The following GTF2F2 variants were observed in gnomAD, a reference collection of about 807,000 sequenced individuals.
The protein encoded by GTF2F2 is general transcription factor IIF subunit 2.
A neutral mutation model predicts 42.2 loss-of-function variants in GTF2F2; 23 were observed. The observed-to-expected ratio is 0.55, with a 90% CI of 0.39 to 0.77. GTF2F2 has a LOEUF of 0.77. Ranked by LOEUF, GTF2F2 falls within the 30% of genes least tolerant of loss-of-function variation. The pLI, the probability that GTF2F2 is intolerant of heterozygous loss-of-function variation, is 0.00. For synonymous variants in GTF2F2, 105 were observed against 100.8 expected (o/e 1.04, Z -0.25); for missense variants, 261 against 287.2 (o/e 0.91, Z 0.66).
intron 4 of GTF2F2, among the ~76,000 whole-genome samples, chr13:45,154,194 A>AG (rs1209234911): frequency 6.6e-6 from 1 of 152,008 alleles, no homozygotes; most frequent in African/African-American, 2.4e-5. Context: ...TTTTTTTTGT[A>AG]GAAAAAAGTA....
intron 5 of GTF2F2, among the ~76,000 whole-genome samples, chr13:45,221,565 TG>T (rs955014920): frequency 6.6e-6 from 1 of 152,134 alleles, no homozygotes; most frequent in Non-Finnish European, 1.5e-5. Context: ...CCCTTCCAAG[TG>T]GGGTCCCAGT....
chr13:45,257,462 A>G (rs1876150392), intron 6 of GTF2F2, among the ~76,000 whole-genome samples: 1 of 152,180 alleles, frequency 6.6e-6, no homozygotes, highest in African/African-American at 2.4e-5. Flanking sequence ...TGTTTAAAAA[A>G]CTTGTAGTTT....
chr13:45,232,752 C>T (rs906656348), intron 5 of GTF2F2, among the ~76,000 whole-genome samples: 2 of 152,206 alleles, frequency 1.3e-5, no homozygotes, highest in South Asian at 4.1e-4. Context: ...TCTACCCACC[C>T]ACCATAAGTT....
chr13:45,236,483 CCACACATACA>C (rs1389255364), intron 5 of GTF2F2, among the ~76,000 whole-genome samples: 8 of 127,722 alleles, frequency 6.3e-5, no homozygotes, highest in African/African-American at 2.2e-4. Flanking sequence ...TCACCCCCCG[CCACACATACA>C]CACACACACA....
Position 45,267,236 on chromosome 13 carries a change from G to A in GTF2F2, c.490G>A (p.Glu164Lys), listed in dbSNP as rs768761643. The A allele has an allele frequency of 3.7e-6, 6 of 1,610,748 alleles. No individual in the cohort carries two copies. Among genetic ancestry groups the A allele is most frequent in the Admixed American group, 1.7e-5 (1 of 59,884 alleles). Residue 164 changes from glutamate (E) to lysine (K), a missense_variant, in exon 7 of 8, where the codon GAA (glutamate) becomes AAA (lysine). Coordinates refer to ENST00000340473, the MANE Select transcript of GTF2F2 (RefSeq NM_004128.3). ...KPVANHQYNI[E>K]YERKKKEDGK... ...TTCCTTTGCTGTTTGCATATAGATCGAATATGAAAGGAAAAAGAAAGAAGA... is the reference window on the plus strand; with the variant it reads ...TTCCTTTGCTGTTTGCATATAGATCAAATATGAAAGGAAAAAGAAAGAAGA...
chr13:45,250,117 C>T (rs897481359), intron 5 of GTF2F2, among the ~76,000 whole-genome samples: 2 of 142,960 alleles, frequency 1.4e-5, no homozygotes, highest in Admixed American at 7.3e-5. Context: ...TGCAGTGACA[C>T]GATGTTGGCT....
At chr13:45,168,997 C>T in intron 4 of GTF2F2, among the ~76,000 whole-genome samples, 1 of 149,094 alleles carries the variant, frequency 6.7e-6, no homozygotes, top group Non-Finnish European at 1.5e-5. Flanking sequence ...CTCCTTCCCT[C>T]TTTCCCTCCT....
intron 5 of GTF2F2, among the ~76,000 whole-genome samples, chr13:45,229,114 C>G (rs1334098967): frequency 1.3e-5 from 2 of 152,168 alleles, no homozygotes; most frequent in African/African-American, 4.8e-5. Context: ...AACTCCTGAC[C>G]TCAGGTGATC....
intron 5 of GTF2F2, among the ~76,000 whole-genome samples, chr13:45,217,393 T>C (rs917627027): frequency 6.6e-6 from 1 of 151,776 alleles, no homozygotes; most frequent in Non-Finnish European, 1.5e-5. Flanking sequence ...AAACTCCAGC[T>C]ACACTTTTTA....
At chr13:45,261,347 AC>A (rs1482078579) in intron 6 of GTF2F2, among the ~76,000 whole-genome samples, 1 of 147,818 alleles carries the variant, frequency 6.8e-6, no homozygotes, top group African/African-American at 2.6e-5. Flanking sequence ...AATCACTTGA[AC>A]CCGGGAGGCT....
chr13:45,215,557 TGTG>T (rs2138199069), intron 5 of GTF2F2, among the ~76,000 whole-genome samples: 1 of 152,164 alleles, frequency 6.6e-6, no homozygotes, highest in East Asian at 1.9e-4. Flanking sequence ...GTCAGGAGTT[TGTG>T]ACCAGCCTGG....
chr13:45,147,535 G>T (rs1047753101), intron 2 of GTF2F2, among the ~76,000 whole-genome samples: 1 of 151,970 alleles, frequency 6.6e-6, no homozygotes, highest in East Asian at 1.9e-4. Flanking sequence ...TGAATTGGGG[G>T]CCAATCTTTG....
chr13:45,170,641 T>G (rs775871644), intron 4 of GTF2F2, among the ~76,000 whole-genome samples: 2 of 152,200 alleles, frequency 1.3e-5, no homozygotes, highest in Non-Finnish European at 2.9e-5. Context: ...GTTCTGTGGC[T>G]TTGAAGTAGT....
intron 5 of GTF2F2, among the ~76,000 whole-genome samples, chr13:45,233,300 A>C (rs1874783497): frequency 6.6e-6 from 1 of 152,222 alleles, no homozygotes; most frequent in South Asian, 2.1e-4. Context: ...AATCCATAGA[A>C]GTCCACTTCC....
intron 6 of GTF2F2, among the ~76,000 whole-genome samples, chr13:45,257,387 G>C (rs967958165): frequency 1.3e-5 from 2 of 152,094 alleles, no homozygotes; most frequent in East Asian, 3.9e-4. Flanking sequence ...ATGTAGGTCA[G>C]CATTTTCCAC....
At chr13:45,136,100 T>C (rs539353164) in intron 1 of GTF2F2, among the ~76,000 whole-genome samples, 19 of 152,366 alleles carry the variant, frequency 1.2e-4, no homozygotes, top group Admixed American at 1.2e-3. Flanking sequence ...CTTTACTAAT[T>C]GTATAACCTT....
intron 1 of GTF2F2, among the ~76,000 whole-genome samples, chr13:45,125,509 G>A (rs879507117): frequency 1.3e-5 from 2 of 151,982 alleles, no homozygotes; most frequent in East Asian, 1.9e-4. Context: ...TAGTAGAGAC[G>A]GGGTTTCACT....
chr13:45,212,447 G>GTTTCTTTCTTTCTTTTCTTTTCT (rs1555269186), intron 5 of GTF2F2, among the ~76,000 whole-genome samples: 889 of 45,654 alleles, frequency 0.019, 49 homozygotes, highest in East Asian at 0.081. Flanking sequence ...TTTCTTTCTT[G>GTTTCTTTCTTTCTTTTCTTTTCT]TTTCTTTCTT....
chr13:45,256,939 G>T (rs1218317526), intron 6 of GTF2F2, among the ~76,000 whole-genome samples: 1 of 151,968 alleles, frequency 6.6e-6, no homozygotes, highest in African/African-American at 2.4e-5. Context: ...AAAAAAATTT[G>T]TACAAAAAAG....
Sources: allele counts gnomAD v4.1 joint callset (sites outside exome capture counted in the v4.1 genomes callset), GRCh38; gene constraint gnomAD v4.1.1; transcripts MANE v1.5; gene names NCBI Gene and HGNC (gene_info 2026-07-23, HGNC 2026-07-21).